The following WWOX variants were observed in gnomAD, a reference collection of about 807,000 sequenced individuals.
The protein encoded by WWOX is WW domain-containing oxidoreductase.
A neutral mutation model predicts 46.2 loss-of-function variants in WWOX; 69 were observed. The ratio of observed to expected loss-of-function variants is 1.49; its 90% CI spans 1.23 to 1.82. The LOEUF is 1.82. Among genes scored for constraint, WWOX ranks in the 40% most tolerant of loss-of-function variants. WWOX has a pLI of 0.00. For synonymous variants in WWOX, 359 were observed against 202.6 expected, an observed-to-expected ratio of 1.77 and a Z score of -6.56; for missense variants, 919 against 542.6, an observed-to-expected ratio of 1.69 and a Z score of -6.89.
Position 78,109,710 on chromosome 16 carries a change from C to T in WWOX, c.173-68C>T, listed in dbSNP as rs2287972. 754,493 of 1,570,608 alleles carry T rather than the reference C, an allele frequency of 0.48. 186,219 individuals are homozygous for T. Among genetic ancestry groups the T allele is most frequent in the East Asian group, 0.65 (28,742 of 44,420 alleles). Reference sequence around the variant, plus strand: ...GGGGCGGGGCTGGGAGGGCTCCTTCCCTTCCTGACCCAGGGATGGTCTTTA... The same window carrying T: ...GGGGCGGGGCTGGGAGGGCTCCTTCTCTTCCTGACCCAGGGATGGTCTTTA... On this transcript the variant is annotated intron_variant, in intron 2 of 8. Coordinates refer to ENST00000566780, the MANE Select transcript of WWOX (RefSeq NM_016373.4).
chr16:78,239,759 T>C (rs986790418), intron 5 of WWOX, among the ~76,000 whole-genome samples: 4 of 152,096 alleles, frequency 2.6e-5, no homozygotes, highest in Admixed American at 2.0e-4. Flanking sequence ...GGTCTCGAAC[T>C]CCTGACCTCA....
chr16:78,522,943 G>A lies in WWOX; in HGVS notation c.1056+90191G>A, dbSNP rs946389192. On this transcript the variant is annotated intron_variant, in intron 8 of 8. Transcript: ENST00000566780. ...AAAAATTAGCCAGGCATGGTGGCAT[G>A]TGCCTGTAATCCCAGCTACCTGGGA... is the stretch of plus-strand genomic sequence containing the variant. Among the ~76,000 whole-genome samples, 5 of 152,170 alleles carry A rather than the reference G, an allele frequency of 3.3e-5. 1 individual carries two copies. The highest frequency in any genetic ancestry group is 1.9e-4 in the East Asian group (1 of 5,180).
chr16:78,261,801 T>TCTATCTATCTAG (rs1567464773), intron 5 of WWOX, among the ~76,000 whole-genome samples: 24 of 123,286 alleles, frequency 1.9e-4, no homozygotes, highest in African/African-American at 7.3e-4. Flanking sequence ...TATATATATA[T>TCTATCTATCTAG]ATATATATAT....
At chr16:78,205,827 ACCTTCCTTCCTTCCTTCCGT>A (rs375728535) in intron 5 of WWOX, among the ~76,000 whole-genome samples, 6 of 144,840 alleles carry the variant, frequency 4.1e-5, no homozygotes, top group African/African-American at 1.5e-4. Flanking sequence ...CTTCCTTCCT[ACCTTCCTTCCTTCCTTCCGT>A]CCTTCCTTCC....
intron 8 of WWOX, among the ~76,000 whole-genome samples, chr16:78,771,934 G>T (rs1447463575): frequency 6.6e-6 from 1 of 151,756 alleles, no homozygotes; most frequent in Non-Finnish European, 1.5e-5. Flanking sequence ...CCATTTTTTT[G>T]AAAAGAATAG....
chr16:78,301,804 G>A (rs1410210825), intron 5 of WWOX, among the ~76,000 whole-genome samples: 1 of 152,142 alleles, frequency 6.6e-6, no homozygotes, highest in Admixed American at 6.5e-5. Context: ...CAGGCCTCAG[G>A]ATTACGTTAC....
At chr16:78,634,811 GGAGA>G (rs541433739) in intron 8 of WWOX, among the ~76,000 whole-genome samples, 1,481 of 127,928 alleles carry the variant, frequency 0.012, 16 homozygotes, top group South Asian at 0.035. Context: ...GCACCCGACT[GGAGA>G]GAGAGAGAGA....
At chr16:78,597,178 A>G (rs1482300752) in intron 8 of WWOX, among the ~76,000 whole-genome samples, 2 of 152,188 alleles carry the variant, frequency 1.3e-5, no homozygotes, top group African/African-American at 2.4e-5. Context: ...CAGCTTAGCA[A>G]GCATTTAGTA....
chr16:78,143,420 A>G (rs987769664), intron 4 of WWOX, among the ~76,000 whole-genome samples: 1 of 152,162 alleles, frequency 6.6e-6, no homozygotes, highest in African/African-American at 2.4e-5. Flanking sequence ...GAAGGGTCAG[A>G]TTGTGGCACG....
At chr16:78,486,432 C>T (rs2084638585) in intron 8 of WWOX, among the ~76,000 whole-genome samples, 1 of 152,164 alleles carries the variant, frequency 6.6e-6, no homozygotes, top group South Asian at 2.1e-4. Flanking sequence ...CATTTATCTA[C>T]TTTAATACTT....
chr16:79,100,541 C>T (rs1480464615), intron 8 of WWOX, among the ~76,000 whole-genome samples: 1 of 152,154 alleles, frequency 6.6e-6, no homozygotes, highest in Non-Finnish European at 1.5e-5. Flanking sequence ...TAGTTCCAGG[C>T]TGTGCTTTGA....
intron 8 of WWOX, among the ~76,000 whole-genome samples, chr16:78,681,691 C>T (rs1397275624): frequency 6.6e-6 from 1 of 152,166 alleles, no homozygotes; most frequent in Non-Finnish European, 1.5e-5. Flanking sequence ...CCTGATTATC[C>T]CCAGCCCAGC....
At chr16:78,151,013 G>A (rs922720861) in intron 4 of WWOX, among the ~76,000 whole-genome samples, 4 of 151,056 alleles carry the variant, frequency 2.6e-5, no homozygotes, top group Admixed American at 1.3e-4. Context: ...GAGTAACTGG[G>A]ACTGCAGGTG....
At chr16:78,286,147 A>G (rs28635592) in intron 5 of WWOX, among the ~76,000 whole-genome samples, 1 of 152,190 alleles carries the variant, frequency 6.6e-6, no homozygotes, top group Non-Finnish European at 1.5e-5. Flanking sequence ...TGTGATTTTC[A>G]TTCCCTTGTT....
rs71140847 is a variant in WWOX at position 78,930,448 on chromosome 16, A to ATTT, written c.1057-281141_1057-281139dup. Among the ~76,000 whole-genome samples, 22 of 106,554 alleles carry ATTT rather than the reference A, an allele frequency of 2.1e-4. 1 individual carries two copies. The highest frequency in any genetic ancestry group is 6.3e-4 in the African/African-American group (17 of 27,192). The allele number at this position is 106,554 out of a possible 152,430, so 69.9% of individuals were successfully genotyped here. Reference sequence around the variant, plus strand: ...GTGCACCACCACACCCAGCTAGCTAATTTTTTTTTTTTTTTTTTTTTCTGT... The same window carrying ATTT: ...GTGCACCACCACACCCAGCTAGCTAATTTTTTTTTTTTTTTTTTTTTTTTCTGT... On this transcript the variant is annotated intron_variant, in intron 8 of 8. Transcript: ENST00000566780.
At chr16:78,130,397 C>T (rs1055746401) in intron 4 of WWOX, among the ~76,000 whole-genome samples, 7 of 152,178 alleles carry the variant, frequency 4.6e-5, no homozygotes, top group East Asian at 1.9e-4. Flanking sequence ...TCCCCAAGAA[C>T]GTGACCATGC....
chr16:78,578,731 C>G (rs2044970729), intron 8 of WWOX, among the ~76,000 whole-genome samples: 1 of 152,124 alleles, frequency 6.6e-6, no homozygotes, highest in Non-Finnish European at 1.5e-5. Context: ...TATGATGCAT[C>G]AACATAACAA....
chr16:78,659,733 T>A (rs1036274298), intron 8 of WWOX, among the ~76,000 whole-genome samples: 1 of 152,146 alleles, frequency 6.6e-6, no homozygotes, highest in African/African-American at 2.4e-5. Flanking sequence ...AAAATGACAA[T>A]GTTCATATAT....
At chr16:78,974,114 T>G (rs1459726257) in intron 8 of WWOX, among the ~76,000 whole-genome samples, 2 of 152,258 alleles carry the variant, frequency 1.3e-5, no homozygotes, top group Admixed American at 6.5e-5. Flanking sequence ...TCCTCATTTC[T>G]GCGCTTGAAA....
Sources: gnomAD v4.1 joint callset for allele counts (sites outside exome capture counted in the v4.1 genomes callset) on GRCh38, gnomAD v4.1.1 for gene constraint, MANE v1.5 for transcripts, NCBI Gene and HGNC (gene_info 2026-07-23, HGNC 2026-07-21) for gene names.